RPS6KA5: variants seen among roughly 807,000 people sequenced by gnomAD.
RPS6KA5 encodes ribosomal protein S6 kinase alpha-5.
A neutral mutation model predicts 85.5 loss-of-function variants in RPS6KA5; 27 were observed. The ratio of observed to expected loss-of-function variants is 0.32; its 90% CI spans 0.23 to 0.44. The LOEUF (loss-of-function observed/expected upper bound fraction) is 0.44. Ranked by LOEUF, RPS6KA5 falls within the 20% of genes least tolerant of loss-of-function variation. The probability of loss-of-function intolerance (pLI) is 1.00; values close to 1 mark genes in which losing one functional copy is unlikely to be tolerated. For missense variants in RPS6KA5, 811 were observed against 980.9 expected (o/e 0.83, Z 2.31); for synonymous variants, 334 against 348.2 (o/e 0.96, Z 0.46).
At chr14:91,050,901 T>G (rs1278837116) in intron 1 of RPS6KA5, among the ~76,000 whole-genome samples, 1 of 152,178 alleles carries the variant, frequency 6.6e-6, no homozygotes, top group Non-Finnish European at 1.5e-5. Flanking sequence ...AGATCCAACA[T>G]GAATCCTTTG....
At chr14:91,042,495 G>GT (rs1365501377) in intron 1 of RPS6KA5, among the ~76,000 whole-genome samples, 4 of 152,074 alleles carry the variant, frequency 2.6e-5, no homozygotes, top group Admixed American at 2.6e-4. Context: ...TGGGCACAGA[G>GT]TGAGACTCCA....
intron 7 of RPS6KA5, among the ~76,000 whole-genome samples, chr14:90,908,189 C>T (rs2035614911): frequency 6.6e-6 from 1 of 152,060 alleles, no homozygotes; most frequent in Non-Finnish European, 1.5e-5. Flanking sequence ...GGAGGAGTAC[C>T]CAAAAACAGA....
rs2032062838 is a variant in RPS6KA5 at position 90,852,713 on chromosome 14, T to TTGC, written c.*19358_*19360dup. ...AACAAAAATAAATTCCAGTTAGCCTTTGCTGGGAGAAACTTTTTTTTTTTT... is the reference window on the plus strand; with the variant it reads ...AACAAAAATAAATTCCAGTTAGCCTTTGCTGCTGGGAGAAACTTTTTTTTTTTT... On this transcript the variant is annotated 3_prime_UTR_variant, in exon 17 of 17. Coordinates refer to ENST00000614987, the MANE Select transcript of RPS6KA5 (RefSeq NM_004755.4). 1 of 148,704 alleles carries TTGC rather than the reference T, an allele frequency of 6.7e-6. No individual in the cohort carries two copies. Among genetic ancestry groups the TTGC allele is most frequent in the Admixed American group, 6.9e-5 (1 of 14,484 alleles). 9.2% of individuals were successfully genotyped at this position (148,704 alleles called of 1,614,324 possible).
At chr14:90,921,670 A>G (rs1487396410) in intron 6 of RPS6KA5, among the ~76,000 whole-genome samples, 3 of 152,236 alleles carry the variant, frequency 2.0e-5, no homozygotes, top group Admixed American at 6.5e-5. Flanking sequence ...CAACTGACAG[A>G]GATCAATAAT....
chr14:90,973,349 A>C (rs1273810491), intron 3 of RPS6KA5, among the ~76,000 whole-genome samples: 1 of 152,078 alleles, frequency 6.6e-6, no homozygotes, highest in African/African-American at 2.4e-5. Context: ...AGGCTGAGTC[A>C]GGAGAATCAC....
chr14:91,052,728 G>A (rs1462300565), intron 1 of RPS6KA5, among the ~76,000 whole-genome samples: 3 of 151,404 alleles, frequency 2.0e-5, no homozygotes, highest in Admixed American at 2.0e-4. Flanking sequence ...AGCTACTTGG[G>A]AGGCTGAGGC....
intron 1 of RPS6KA5, among the ~76,000 whole-genome samples, chr14:91,011,379 A>G (rs1020222893): frequency 6.6e-6 from 1 of 152,056 alleles, no homozygotes; most frequent in Non-Finnish European, 1.5e-5. Flanking sequence ...CCAGCTACTC[A>G]GGGGGCTGAG....
rs568815589 is a variant in RPS6KA5, at chr14:90,901,650, A to G, written c.1120-914T>C. On this transcript the variant is annotated intron_variant, in intron 9 of 16. Coordinates refer to ENST00000614987, the MANE Select transcript of RPS6KA5 (RefSeq NM_004755.4). ...TTCAATAAGTGCCCAGTCACATACT[A>G]GACAGTGATAAGCAAAGAAGAAAAG... Among the ~76,000 whole-genome samples, 7 of 152,324 alleles carry G rather than the reference A, an allele frequency of 4.6e-5. No homozygotes were observed. In the East Asian group the frequency reaches 1.4e-3, roughly 29 times the overall value.
intron 3 of RPS6KA5, among the ~76,000 whole-genome samples, chr14:90,975,919 T>C (rs971473403): frequency 2.0e-5 from 3 of 152,186 alleles, no homozygotes; most frequent in Admixed American, 6.5e-5. Context: ...CCTCACTCAC[T>C]GTGGAATGAA....
At chr14:90,952,088 G>A (rs868272286) in intron 3 of RPS6KA5, among the ~76,000 whole-genome samples, 8 of 152,192 alleles carry the variant, frequency 5.3e-5, no homozygotes, top group African/African-American at 1.7e-4. Context: ...GCTTCTTTAC[G>A]GCAGAGAACA....
intron 5 of RPS6KA5, among the ~76,000 whole-genome samples, chr14:90,940,263 G>C (rs1030275945): frequency 6.6e-6 from 1 of 152,102 alleles, no homozygotes; most frequent in Admixed American, 6.5e-5. Context: ...CAGTAAATAA[G>C]GGCGCCTACT....
chr14:90,923,581 G>T (rs1325333220), intron 5 of RPS6KA5, among the ~76,000 whole-genome samples: 1 of 152,084 alleles, frequency 6.6e-6, no homozygotes, highest in African/African-American at 2.4e-5. Flanking sequence ...AAGGCAACAT[G>T]AACTGTCTAA....
intron 6 of RPS6KA5, among the ~76,000 whole-genome samples, 187 bp from the exon 7 acceptor site, chr14:90,920,496 T>C (rs903767742): frequency 2.6e-5 from 4 of 152,128 alleles, no homozygotes; most frequent in African/African-American, 4.8e-5. Flanking sequence ...TATCCAAGTA[T>C]CCTCAGCACA....
Position 90,978,510 on chromosome 14 carries a change from A to G in RPS6KA5, c.190T>C (p.Phe64Leu). 4 of 1,588,212 alleles carry G rather than the reference A, an allele frequency of 2.5e-6. No homozygotes were observed. Among genetic ancestry groups the G allele is most frequent in the Admixed American group, 1.8e-5 (1 of 55,192 alleles). The change falls in exon 3 of 17, where the codon TTT (phenylalanine) becomes CTT (leucine). Residue 64 changes from phenylalanine to leucine, a missense_variant. Around this residue, in one of 3 missense-constraint regions of RPS6KA5, gnomAD observed 113 missense variants for 100.0 expected, o/e 1.13. Transcript: ENST00000614987. ...TGGCCACTTATTTTACGAACTAGAA[A>G]TACTTTTCCATAAGCTGAAAATGAA... is the stretch of plus-strand genomic sequence containing the variant. ...VLGTGAYGKV[F>L]LVRKISGHDT...
At position 90,899,314 on chromosome 14, in the gene RPS6KA5, AAAAAAGT is replaced by A. The variant is rs1290279135; in HGVS notation, c.1473+8_1473+14del. ...TTAGTACACATGGGAAAAAAAAAAA[AAAAAAGT>A]AGGATACCTGATCATGAAAAACTTC... On this transcript the variant is annotated splice_region_variant and intron_variant, in intron 12 of 16. Coordinates refer to ENST00000614987, the MANE Select transcript of RPS6KA5 (RefSeq NM_004755.4). The A allele has an allele frequency of 6.4e-7, 1 of 1,566,838 alleles. No individual in the cohort carries two copies. The highest frequency in any genetic ancestry group is 1.4e-5 in the African/African-American group (1 of 72,616).
In RPS6KA5 at chr14:90,978,511, T is replaced by C. The variant is rs2039659444; in HGVS notation, c.189A>G (p.Val63=). 1.3e-6 allele frequency: 2 copies of C among 1,587,964 alleles called. No individual in the cohort carries two copies. The highest frequency in any genetic ancestry group is 1.7e-6 in the Non-Finnish European group (2 of 1,167,606). The change falls in exon 3 of 17, where the codon GTA becomes GTG. Residue 63 remains valine, a synonymous_variant. Transcript: ENST00000614987. ...KVLGTGAYGK[V]FLVRKISGHD... ...GGCCACTTATTTTACGAACTAGAAATACTTTTCCATAAGCTGAAAATGAAA... is the reference window on the plus strand; with the variant it reads ...GGCCACTTATTTTACGAACTAGAAACACTTTTCCATAAGCTGAAAATGAAA...
At chr14:90,881,747 T>C (rs1286258) in intron 14 of RPS6KA5, among the ~76,000 whole-genome samples, 58,483 of 151,924 alleles carry the variant, frequency 0.38, 12,221 homozygotes, top group African/African-American at 0.54. Flanking sequence ...GCGACTCGCC[T>C]GCCTCGGCCT....
At chr14:90,981,574 C>T (rs1158964959) in intron 2 of RPS6KA5, among the ~76,000 whole-genome samples, 1 of 152,186 alleles carries the variant, frequency 6.6e-6, no homozygotes, top group African/African-American at 2.4e-5. Flanking sequence ...CGCAATCATC[C>T]TTGCCATGTG....
chr14:90,922,719 G>A (rs2036465395), intron 6 of RPS6KA5, among the ~76,000 whole-genome samples: 1 of 152,154 alleles, frequency 6.6e-6, no homozygotes, highest in Non-Finnish European at 1.5e-5. Context: ...AAAGTGCTGG[G>A]ATTACAGGCC....
Sources: allele counts gnomAD v4.1 joint callset (sites outside exome capture counted in the v4.1 genomes callset), GRCh38; gene constraint gnomAD v4.1.1; regional missense constraint gnomAD v4.1.1; transcripts MANE v1.5; gene names NCBI Gene and HGNC (gene_info 2026-07-23, HGNC 2026-07-21).